Variants in LOC102723971 observed in about 807,000 individuals in gnomAD.
chr9:135,614,435 GA>G, the LOC102723971 span: 1 of 379,750 alleles, frequency 2.6e-6, no homozygotes, highest in Non-Finnish European at 4.6e-6. Context: ...GGGTGGGGCA[GA>G]CAGGGGGGTG....
chr9:135,617,634 G>A, the LOC102723971 span, among the ~76,000 whole-genome samples: 2 of 152,160 alleles, frequency 1.3e-5, no homozygotes, highest in Admixed American at 1.3e-4. Flanking sequence ...GGACTCTCTG[G>A]GGGTCTCCAC....
chr9:135,615,938 G>A, the LOC102723971 span, among the ~76,000 whole-genome samples: 15 of 152,336 alleles, frequency 9.8e-5, no homozygotes, highest in African/African-American at 3.1e-4. Flanking sequence ...GACAAGCTAC[G>A]CTGAGCGCAG....
At chr9:135,615,852 A>G in the LOC102723971 span, among the ~76,000 whole-genome samples, 1,094 of 152,018 alleles carry the variant, frequency 7.2e-3, 9 homozygotes, top group African/African-American at 0.025. Flanking sequence ...CTGGGCCCAC[A>G]CCCCTTCCGG....
chr9:135,619,145 C>T, the LOC102723971 span, among the ~76,000 whole-genome samples: 1 of 152,138 alleles, frequency 6.6e-6, no homozygotes, highest in African/African-American at 2.4e-5. Flanking sequence ...TCCTGGTCCC[C>T]TCCCCTGCTG....
chr9:135,618,558 G>T, the LOC102723971 span, among the ~76,000 whole-genome samples: 1 of 152,064 alleles, frequency 6.6e-6, no homozygotes, highest in African/African-American at 2.4e-5. Flanking sequence ...GGGGGCTAGA[G>T]CAAGGTTTGA....
the LOC102723971 span, among the ~76,000 whole-genome samples, chr9:135,616,367 A>G: frequency 6.6e-6 from 1 of 152,186 alleles, no homozygotes; most frequent in Non-Finnish European, 1.5e-5. Context: ...CCCCCTGGGC[A>G]TCGCCACCTC....
the LOC102723971 span, chr9:135,614,219 C>T: frequency 1.3e-5 from 5 of 398,418 alleles, no homozygotes; most frequent in Non-Finnish European, 2.2e-5. Flanking sequence ...TGGCTAGGGA[C>T]GCTCCCCCTT....
chr9:135,618,138 G>A, the LOC102723971 span: 4 of 397,252 alleles, frequency 1.0e-5, no homozygotes, highest in South Asian at 1.3e-4. Flanking sequence ...CACTGAGGGT[G>A]TAGCCCATCC....
chr9:135,616,757 G>A, the LOC102723971 span: 1,018 of 398,550 alleles, frequency 2.6e-3, 6 homozygotes, highest in African/African-American at 0.019. Context: ...CACTCAGAAG[G>A]GGTTGTCGGC....
At chr9:135,616,280 C>A in the LOC102723971 span, among the ~76,000 whole-genome samples, 146,168 of 152,248 alleles carry the variant, frequency 0.96, 70,432 homozygotes, top group East Asian at 1. Context: ...GACTGGGACC[C>A]ATCTGTTCCA....
the LOC102723971 span, among the ~76,000 whole-genome samples, chr9:135,619,408 A>G: frequency 6.6e-6 from 1 of 151,978 alleles, no homozygotes; most frequent in African/African-American, 2.4e-5. Flanking sequence ...GGTGGCCCTC[A>G]AGTGTCCTTC....
At chr9:135,614,667 A>G in the LOC102723971 span, among the ~76,000 whole-genome samples, 1 of 152,170 alleles carries the variant, frequency 6.6e-6, no homozygotes, top group Non-Finnish European at 1.5e-5. Flanking sequence ...CAGAGCGCCC[A>G]GACACTGGGC....
At chr9:135,617,443 C>A in the LOC102723971 span, among the ~76,000 whole-genome samples, 1 of 152,030 alleles carries the variant, frequency 6.6e-6, no homozygotes, top group African/African-American at 2.4e-5. Flanking sequence ...TGGGGGACAT[C>A]GAGGGGCTGC....
At chr9:135,614,246 C>G in the LOC102723971 span, 1 of 398,536 alleles carries the variant, frequency 2.5e-6, no homozygotes, top group Non-Finnish European at 4.4e-6. Flanking sequence ...AGCCATGGCC[C>G]TGGAGAAAGG....
the LOC102723971 span, chr9:135,616,717 G>T: frequency 7.5e-6 from 3 of 398,674 alleles, no homozygotes; most frequent in South Asian, 1.3e-4. Context: ...GGCGAGCAAG[G>T]GGCGCTCGGA....
chr9:135,616,664 A>G, the LOC102723971 span: 1 of 398,684 alleles, frequency 2.5e-6, no homozygotes, highest in Non-Finnish European at 4.4e-6. Context: ...GGCTCATGTG[A>G]GTGCCCCTGT....
chr9:135,617,648 G>A, the LOC102723971 span, among the ~76,000 whole-genome samples: 1 of 152,208 alleles, frequency 6.6e-6, no homozygotes, highest in African/African-American at 2.4e-5. Flanking sequence ...TCTCCACTGA[G>A]GCAGGCCAGG....
the LOC102723971 span, among the ~76,000 whole-genome samples, chr9:135,619,758 G>A: frequency 1.1e-4 from 16 of 152,006 alleles, no homozygotes; most frequent in African/African-American, 3.6e-4. Context: ...CAGGCTCTGA[G>A]GAAATTGGGT....
chr9:135,615,559 C>G, the LOC102723971 span: 3 of 398,524 alleles, frequency 7.5e-6, no homozygotes, highest in East Asian at 1.1e-4. Context: ...GACCCCCAAG[C>G]AACAGTGACA....
Sources: gnomAD v4.1 joint callset for allele counts (sites outside exome capture counted in the v4.1 genomes callset) on GRCh38, gnomAD v4.1.1 for gene constraint, MANE v1.5 for transcripts.